TRAP1: variants seen among roughly 807,000 people sequenced by gnomAD.
The protein encoded by TRAP1 is TNF receptor associated protein 1.
A neutral mutation model predicts 89.1 loss-of-function variants in TRAP1; 102 were observed. That is an observed-to-expected ratio of 1.15 (90% CI 0.98 to 1.35). TRAP1 has a LOEUF of 1.35. Among genes scored for constraint, TRAP1 ranks in the 40% most tolerant of loss-of-function variants. TRAP1 has a pLI of 0.00. For synonymous variants in TRAP1, 508 were observed against 388.0 expected (o/e 1.31, Z -3.64); for missense variants, 1,256 against 945.3 (o/e 1.33, Z -4.31).
At chr16:3,711,046 A>AG (rs1555468298) in intron 1 of TRAP1, among the ~76,000 whole-genome samples, 2 of 146,884 alleles carry the variant, frequency 1.4e-5, no homozygotes, top group Non-Finnish European at 1.5e-5. Flanking sequence ...AAAAAAAAAA[A>AG]GGGTTTTTTG....
chr16:3,661,906 T>A, intron 16 of TRAP1, 81 bp downstream of exon 16: 1 of 1,480,164 alleles, frequency 6.8e-7, no homozygotes, highest in Non-Finnish European at 9.0e-7. Flanking sequence ...TTCTTCTGTG[T>A]CACATTCCAC....
intron 4 of TRAP1, among the ~76,000 whole-genome samples, chr16:3,681,556 G>A (rs748153838): frequency 9.2e-5 from 14 of 152,098 alleles, no homozygotes; most frequent in Admixed American, 2.0e-4. Context: ...CTGAGGTGCC[G>A]GTTTGAATAG....
At chr16:3,696,528 G>T (rs1466732467) in intron 1 of TRAP1, among the ~76,000 whole-genome samples, 1 of 152,066 alleles carries the variant, frequency 6.6e-6, no homozygotes, top group African/African-American at 2.4e-5. Context: ...CACACCATCA[G>T]GAAACACCAC....
At chr16:3,710,821 G>C (rs951591394) in intron 1 of TRAP1, among the ~76,000 whole-genome samples, 3 of 149,230 alleles carry the variant, frequency 2.0e-5, no homozygotes, top group Non-Finnish European at 4.4e-5. Flanking sequence ...ATTTAATTTA[G>C]CTATCTCAAA....
intron 11 of TRAP1, among the ~76,000 whole-genome samples, chr16:3,668,965 C>T (rs996130432): frequency 6.6e-6 from 1 of 152,226 alleles, no homozygotes; most frequent in African/African-American, 2.4e-5. Flanking sequence ...AGGGCCTGGC[C>T]CCTGCCTCCA....
At chr16:3,671,567 C>G (rs1165498818) in intron 11 of TRAP1, among the ~76,000 whole-genome samples, 155 bp downstream of exon 11, 1 of 152,254 alleles carries the variant, frequency 6.6e-6, no homozygotes, top group East Asian at 1.9e-4. Context: ...AGGCCAGCAC[C>G]TGGAAGGCTC....
intron 1 of TRAP1, among the ~76,000 whole-genome samples, chr16:3,701,894 T>A (rs1410324007): frequency 6.6e-6 from 1 of 152,174 alleles, no homozygotes; most frequent in Non-Finnish European, 1.5e-5. Flanking sequence ...ATTTATTTAT[T>A]CAAAACAGAT....
At chr16:3,706,685 T>G (rs954106114) in intron 1 of TRAP1, among the ~76,000 whole-genome samples, 1 of 152,042 alleles carries the variant, frequency 6.6e-6, no homozygotes, top group Admixed American at 6.6e-5. Context: ...GGCATTCAAC[T>G]CTTGGCCTCA....
intron 11 of TRAP1, among the ~76,000 whole-genome samples, chr16:3,668,308 C>G (rs1438027017): frequency 6.6e-6 from 1 of 152,126 alleles, no homozygotes; most frequent in Non-Finnish European, 1.5e-5. Context: ...GATCTGCCTG[C>G]CTCGGCCTCC....
Position 3,689,065 on chromosome 16 carries a change from G to T in TRAP1, c.320C>A (p.Ser107Ter). 6.2e-7 allele frequency: 1 copy of T among 1,611,738 alleles called. No individual in the cohort carries two copies. Among genetic ancestry groups the T allele is most frequent in the African/African-American group, 1.3e-5 (1 of 74,938 alleles). ...LLDIVARSLYSEKEVFIRELI... is the reference protein window; with the variant it reads ...LLDIVARSLY ...TAGCAGGGAACGCACCTCTTTTTCTGAGTACAGGGACCGGGCAACAATGTC... is the reference window on the plus strand; with the variant it reads ...TAGCAGGGAACGCACCTCTTTTTCTTAGTACAGGGACCGGGCAACAATGTC... The change falls in exon 3 of 18, where the codon TCA becomes TAA. Residue 107 changes from serine (S) to a stop codon, truncating the protein, a stop_gained. Coordinates refer to ENST00000246957, the MANE Select transcript of TRAP1 (RefSeq NM_016292.3). LOFTEE classifies it high-confidence loss of function.
chr16:3,707,768 T>G (rs1453477667), intron 1 of TRAP1, among the ~76,000 whole-genome samples: 3 of 150,814 alleles, frequency 2.0e-5, no homozygotes, highest in African/African-American at 7.3e-5. Context: ...GCAGGAGACT[T>G]GCTTGCACTC....
At chr16:3,679,458 G>A (rs73489734) in intron 5 of TRAP1, among the ~76,000 whole-genome samples, 11,169 of 151,976 alleles carry the variant, frequency 0.073, 1,290 homozygotes, top group African/African-American at 0.24. Flanking sequence ...TACAATATAC[G>A]GCACCAATTT....
In TRAP1 at chr16:3,658,853, G is replaced by C; in HGVS notation, c.1953C>G (p.Ile651Met). The C allele has an allele frequency of 6.2e-7, 1 of 1,614,068 alleles. No homozygotes were observed. The change falls in exon 17 of 18, where the codon ATC becomes ATG. Residue 651 changes from isoleucine (I) to methionine (M), a missense_variant. Coordinates refer to ENST00000246957, the MANE Select transcript of TRAP1 (RefSeq NM_016292.3). Reference sequence around the variant, plus strand: ...TTGCGCGCAGCTGATTCAGCTTCTTGATGAGCGCGTGCCTGCAACACAGAA... The same window carrying C: ...TTGCGCGCAGCTGATTCAGCTTCTTCATGAGCGCGTGCCTGCAACACAGAA... Reference protein sequence around the residue: ...TLEINPRHALIKKLNQLRASE... With the variant: ...TLEINPRHALMKKLNQLRASE...
intron 1 of TRAP1, among the ~76,000 whole-genome samples, chr16:3,702,912 G>C (rs1455853019): frequency 2.6e-5 from 4 of 151,038 alleles, no homozygotes; most frequent in Admixed American, 1.3e-4. Flanking sequence ...TGTTGTCGTG[G>C]ATGCCTGTAA....
At chr16:3,669,562 C>T (rs985907826) in intron 11 of TRAP1, among the ~76,000 whole-genome samples, 1 of 152,058 alleles carries the variant, frequency 6.6e-6, no homozygotes, top group African/African-American at 2.4e-5. Flanking sequence ...AGGCCAGGCG[C>T]GGTGGCTCAC....
chr16:3,693,438 T>C (rs2051243879), intron 1 of TRAP1, among the ~76,000 whole-genome samples: 1 of 151,822 alleles, frequency 6.6e-6, no homozygotes, highest in South Asian at 2.1e-4. Flanking sequence ...AAATGGTATT[T>C]GGCATTAGAG....
chr16:3,688,192 G>T (rs1379067495), intron 3 of TRAP1, among the ~76,000 whole-genome samples: 6 of 151,720 alleles, frequency 4.0e-5, no homozygotes, highest in African/African-American at 1.5e-4. Context: ...ATAGAGATGG[G>T]GTCTCTTCAC....
At chr16:3,658,325 A>T (rs1596666951) in intron 17 of TRAP1, 95 bp from the exon 18 acceptor site, 1 of 996,392 alleles carries the variant, frequency 1.0e-6, no homozygotes, top group Non-Finnish European at 1.5e-6. Context: ...CCGAGGCTGG[A>T]GTGCAGAGGC....
chr16:3,702,349 G>A (rs753042022), intron 1 of TRAP1, among the ~76,000 whole-genome samples: 1 of 151,812 alleles, frequency 6.6e-6, no homozygotes, highest in African/African-American at 2.4e-5. Context: ...AAACAAGGAC[G>A]AGGTACAAGG....
Sources: allele counts gnomAD v4.1 joint callset (sites outside exome capture counted in the v4.1 genomes callset), GRCh38; gene constraint gnomAD v4.1.1; transcripts MANE v1.5; gene names NCBI Gene and HGNC (gene_info 2026-07-23, HGNC 2026-07-21).